DIP2C: variants seen among roughly 807,000 people sequenced by gnomAD.
DIP2C encodes the protein disco-interacting protein 2 homolog C.
DIP2C carries 33 observed loss-of-function variants against 192.4 expected under a neutral mutation model. The observed-to-expected ratio is 0.17, with a 90% CI of 0.13 to 0.23. DIP2C has a LOEUF of 0.23. DIP2C is among the 10% of genes least tolerant of loss of function. The pLI is 1.00. For missense variants in DIP2C, 1,537 were observed against 2,110.1 expected, an observed-to-expected ratio of 0.73 and a Z score of 5.32; for synonymous variants, 979 against 864.1, an observed-to-expected ratio of 1.13 and a Z score of -2.33.
chr10:303,383 C>G (rs1436945956), intron 32 of DIP2C, among the ~76,000 whole-genome samples: 1 of 152,198 alleles, frequency 6.6e-6, no homozygotes, highest in South Asian at 2.1e-4. Flanking sequence ...AATAAATTAA[C>G]CTACATTTAC....
intron 1 of DIP2C, among the ~76,000 whole-genome samples, chr10:561,212 C>A (rs935499488): frequency 1.3e-5 from 2 of 152,176 alleles, no homozygotes; most frequent in African/African-American, 4.8e-5. Context: ...ATTTGGCTCA[C>A]AATAAATCTC....
intron 3 of DIP2C, among the ~76,000 whole-genome samples, chr10:442,489 A>G (rs1262465489): frequency 6.6e-6 from 1 of 151,924 alleles, no homozygotes; most frequent in African/African-American, 2.4e-5. Context: ...GACACAGTCC[A>G]CTCACTTCCC....
At position 652,265 on chromosome 10, in the gene DIP2C, C is replaced by A; in HGVS notation, c.85+37229G>T. 9.9e-6 allele frequency: 2 copies of A among 201,258 alleles called. No homozygotes were observed. Among genetic ancestry groups the A allele is most frequent in the East Asian group, 1.8e-4 (1 of 5,662 alleles). 12.5% of individuals were successfully genotyped at this position (201,258 alleles called of 1,614,324 possible). On this transcript the variant is annotated intron_variant, in intron 1 of 36. Coordinates refer to ENST00000280886, the MANE Select transcript of DIP2C (RefSeq NM_014974.3). The surrounding 1 kb of genome is among the most constrained non-coding windows in gnomAD (Gnocchi z 4.5). Reference sequence around the variant, plus strand: ...GACCACGCTGGCTGCTGACCAAACTCCACTGGCATCTTCCTCCATCCTGAG... The same window carrying A: ...GACCACGCTGGCTGCTGACCAAACTACACTGGCATCTTCCTCCATCCTGAG...
chr10:581,800 C>T lies in DIP2C; in HGVS notation c.86-95270G>A, dbSNP rs373705260. Among the ~76,000 whole-genome samples the T allele has an allele frequency of 8.5e-5, 13 of 152,240 alleles. No homozygotes were observed. The Middle Eastern group carries it at 0.01, about 119-fold the overall frequency. On this transcript the variant is annotated intron_variant, in intron 1 of 36. Transcript: ENST00000280886. ...TCCTTGAGAAGCCTTCAATCCCCCA[C>T]CTTTCAAAATCTAATCCTCTCCAAC...
chr10:467,173 C>T (rs1296589156), intron 3 of DIP2C, among the ~76,000 whole-genome samples: 1 of 152,070 alleles, frequency 6.6e-6, no homozygotes, highest in African/African-American at 2.4e-5. Context: ...GAAAATGTGG[C>T]ACATATACAC....
intron 35 of DIP2C, 39 bp from the exon 36 acceptor site, chr10:281,362 T>A: frequency 6.4e-7 from 1 of 1,557,374 alleles, no homozygotes. Context: ...TTCCCCATAA[T>A]GCCGCTCAAG....
chr10:409,312 C>T (rs184812346), intron 8 of DIP2C, among the ~76,000 whole-genome samples: 87 of 148,658 alleles, frequency 5.9e-4, no homozygotes, highest in Non-Finnish European at 1.1e-3. Context: ...GTGGGGGTGG[C>T]GAGGGGGGGC....
At chr10:460,298 A>C (rs1217991336) in intron 3 of DIP2C, among the ~76,000 whole-genome samples, 1 of 152,242 alleles carries the variant, frequency 6.6e-6, no homozygotes, top group Non-Finnish European at 1.5e-5. Context: ...TTATCAAGTA[A>C]AGGTAATGAA....
At chr10:315,844 C>T (rs1230418119) in intron 31 of DIP2C, among the ~76,000 whole-genome samples, 1 of 152,138 alleles carries the variant, frequency 6.6e-6, no homozygotes, top group African/African-American at 2.4e-5. Context: ...CTCTGTTCCA[C>T]TGTATTTTCA....
At chr10:608,139 ACAGCCCCCC>A (rs1564262314) in intron 1 of DIP2C, among the ~76,000 whole-genome samples, 15 of 90,436 alleles carry the variant, frequency 1.7e-4, no homozygotes, top group African/African-American at 1.7e-4. Context: ...CAACACACAC[ACAGCCCCCC>A]CACACACACC....
At chr10:418,153 GA>G (rs1417818499) in intron 6 of DIP2C, among the ~76,000 whole-genome samples, 13 of 51,194 alleles carry the variant, frequency 2.5e-4, no homozygotes, top group Non-Finnish European at 2.0e-4. Context: ...GCACCTGTCA[GA>G]GCTCGGACAG....
chr10:387,100 A>G (rs1341717017), intron 14 of DIP2C, among the ~76,000 whole-genome samples: 1 of 152,216 alleles, frequency 6.6e-6, no homozygotes, highest in African/African-American at 2.4e-5. Context: ...AGAAACATCC[A>G]GCTAACCAGA....
At position 582,678 on chromosome 10, in the gene DIP2C, A is replaced by G. The variant is rs574351326; in HGVS notation, c.86-96148T>C. Among the ~76,000 whole-genome samples, 3 of 152,362 alleles carry G rather than the reference A, an allele frequency of 2.0e-5. No individual in the cohort carries two copies. The South Asian group carries it at 6.2e-4, about 32-fold the overall frequency. Reference sequence around the variant, plus strand: ...TAGAGAATGGTGTGATAGCGTTTCTATCAGGAAGAAAAGCGTGTCTCCAAA... The same window carrying G: ...TAGAGAATGGTGTGATAGCGTTTCTGTCAGGAAGAAAAGCGTGTCTCCAAA... On this transcript the variant is annotated intron_variant, in intron 1 of 36. Coordinates refer to ENST00000280886, the MANE Select transcript of DIP2C (RefSeq NM_014974.3).
intron 4 of DIP2C, among the ~76,000 whole-genome samples, chr10:435,416 T>C (rs369766619): frequency 6.6e-6 from 1 of 152,238 alleles, no homozygotes; most frequent in Non-Finnish European, 1.5e-5. Context: ...GAGCTTCTGA[T>C]GGTACAACTC....
intron 1 of DIP2C, among the ~76,000 whole-genome samples, chr10:570,664 T>G (rs987816906): frequency 6.6e-6 from 1 of 152,178 alleles, no homozygotes; most frequent in Non-Finnish European, 1.5e-5. Flanking sequence ...CTCACACAAA[T>G]TCTCACGTAT....
intron 1 of DIP2C, among the ~76,000 whole-genome samples, chr10:544,524 C>T (rs1233937144): frequency 6.6e-6 from 1 of 152,214 alleles, no homozygotes. Context: ...TTTTCCAAAG[C>T]AACTGTACCA....
At chr10:485,525 C>T (rs572775579) in intron 2 of DIP2C, among the ~76,000 whole-genome samples, 6 of 152,288 alleles carry the variant, frequency 3.9e-5, no homozygotes, top group Admixed American at 3.3e-4. Context: ...AAGAAAAACA[C>T]GAAATGAAAA....
intron 4 of DIP2C, chr10:438,011 A>C (rs1173377164): frequency 6.6e-6 from 1 of 152,256 alleles, no homozygotes. Context: ...AAAAATTTTT[A>C]TGATATTGAT....
rs561014452 is a variant in DIP2C, at chr10:672,579, G to A, written c.85+16915C>T. On this transcript the variant is annotated intron_variant, in intron 1 of 36. Transcript: ENST00000280886. ...ATTAAACAGAAGGGCACTTCACTTC[G>A]AATGAAAGCACTCTGCATAAAAGAA... Among the ~76,000 whole-genome samples, 9 of 152,348 alleles carry A rather than the reference G, an allele frequency of 5.9e-5. No individual in the cohort carries two copies. In the South Asian group the frequency reaches 8.3e-4, roughly 14 times the overall value.
Sources: gnomAD v4.1 joint callset for allele counts (sites outside exome capture counted in the v4.1 genomes callset) on GRCh38, gnomAD v4.1.1 for gene constraint, Gnocchi (gnomAD v3.1) non-coding constraint, MANE v1.5 for transcripts, NCBI Gene and HGNC (gene_info 2026-07-23, HGNC 2026-07-21) for gene names.